CCDC91: variants seen among roughly 807,000 people sequenced by gnomAD.
CCDC91 encodes coiled-coil domain-containing protein 91.
CCDC91 carries 48 observed loss-of-function variants against 63.2 expected under a neutral mutation model. The ratio of observed to expected loss-of-function variants is 0.76; its 90% confidence interval spans 0.60 to 0.97. CCDC91 has a LOEUF of 0.97. Among genes scored for constraint, CCDC91 ranks in the 50% least tolerant of loss-of-function variants. CCDC91 has a pLI of 0.00. For synonymous variants in CCDC91, 167 were observed against 165.8 expected (o/e 1.01, Z -0.06); for missense variants, 500 against 494.6 (o/e 1.01, Z -0.10).
At chr12:28,447,401 A>G (rs1949554558) in intron 8 of CCDC91, among the ~76,000 whole-genome samples, 1 of 151,980 alleles carries the variant, frequency 6.6e-6, no homozygotes, top group Non-Finnish European at 1.5e-5. Flanking sequence ...TCTTTGGGTA[A>G]TGGGACACTG....
chr12:28,513,446 A>AT (rs1491396583), intron 12 of CCDC91, among the ~76,000 whole-genome samples: 1 of 151,884 alleles, frequency 6.6e-6, no homozygotes, highest in African/African-American at 2.4e-5. Context: ...GAGCACTGAC[A>AT]TATGTTGCTC....
intron 1 of CCDC91, among the ~76,000 whole-genome samples, chr12:28,206,980 A>G (rs747145506): frequency 7.2e-5 from 11 of 152,192 alleles, no homozygotes; most frequent in Admixed American, 1.3e-4. Flanking sequence ...TTTCTGACTG[A>G]TTATGAGGCA....
intron 12 of CCDC91, among the ~76,000 whole-genome samples, chr12:28,499,029 T>C (rs968279428): frequency 2.0e-5 from 3 of 148,306 alleles, no homozygotes; most frequent in African/African-American, 7.3e-5. Context: ...AATCTAACTC[T>C]GTTTGTTCAA....
chr12:28,321,637 C>A (rs543916075), intron 6 of CCDC91, among the ~76,000 whole-genome samples: 1 of 151,902 alleles, frequency 6.6e-6, no homozygotes, highest in African/African-American at 2.4e-5. Context: ...TTGTCTATGT[C>A]TCTGCCATGT....
chr12:28,341,681 G>A (rs539318055), intron 6 of CCDC91, among the ~76,000 whole-genome samples: 261 of 151,110 alleles, frequency 1.7e-3, no homozygotes, highest in Middle Eastern at 6.8e-3. Flanking sequence ...CTGTGTAGAT[G>A]TTTCCTGCTA....
chr12:28,304,440 A>G (rs1001709188), intron 3 of CCDC91, among the ~76,000 whole-genome samples: 12 of 150,182 alleles, frequency 8.0e-5, no homozygotes, highest in African/African-American at 2.9e-4. Flanking sequence ...CCTATGGGTG[A>G]AGCTAGACTA....
At chr12:28,525,522 A>G (rs1941181147) in intron 12 of CCDC91, among the ~76,000 whole-genome samples, 2 of 152,062 alleles carry the variant, frequency 1.3e-5, no homozygotes. Flanking sequence ...GGCCTGTCAT[A>G]TGGTCTATCT....
chr12:28,369,123 A>G (rs1944452028), intron 7 of CCDC91, among the ~76,000 whole-genome samples: 1 of 152,134 alleles, frequency 6.6e-6, no homozygotes, highest in Non-Finnish European at 1.5e-5. Context: ...ATCTTACCTC[A>G]TTGCAGTATT....
chr12:28,506,673 A>G (rs990893977), intron 12 of CCDC91, among the ~76,000 whole-genome samples: 15 of 151,970 alleles, frequency 9.9e-5, no homozygotes, highest in Non-Finnish European at 2.1e-4. Context: ...AGATCCTGTT[A>G]TAATCCTCAT....
chr12:28,497,415 G>A (rs574215573), intron 12 of CCDC91, among the ~76,000 whole-genome samples: 2 of 151,666 alleles, frequency 1.3e-5, no homozygotes, highest in South Asian at 2.1e-4. Context: ...TAAGTATACA[G>A]GTTTTTTGGT....
chr12:28,452,671 G>A lies in CCDC91; in HGVS notation c.1101+17G>A, dbSNP rs1224050547. 2.3e-6 allele frequency: 3 copies of A among 1,299,516 alleles called. No individual in the cohort carries two copies. The highest frequency in any genetic ancestry group is 3.2e-6 in the Non-Finnish European group (3 of 951,910). The allele number at this position is 1,299,516 out of a possible 1,614,324, so 80.5% of individuals were successfully genotyped here. On this transcript the variant is annotated intron_variant, in intron 11 of 12. Coordinates refer to ENST00000536442, the MANE Select transcript of CCDC91 (RefSeq NM_018318.5). ...ATAAGTCAGGTTAGTAATATTAACT[G>A]TTAGTAAATATTTACTTTTTTCTCA...
intron 8 of CCDC91, among the ~76,000 whole-genome samples, chr12:28,434,326 C>T (rs150780799): frequency 1.7e-3 from 259 of 151,342 alleles, no homozygotes; most frequent in African/African-American, 5.9e-3. Context: ...TCATGAATAC[C>T]GATTTTGTCA....
intron 3 of CCDC91, among the ~76,000 whole-genome samples, chr12:28,292,394 C>T (rs971552888): frequency 1.3e-5 from 2 of 152,018 alleles, no homozygotes; most frequent in Non-Finnish European, 2.9e-5. Context: ...CTACATATTC[C>T]TTGTAAATTT....
At chr12:28,429,834 T>C (rs909274657) in intron 8 of CCDC91, among the ~76,000 whole-genome samples, 1 of 151,538 alleles carries the variant, frequency 6.6e-6, no homozygotes, top group Non-Finnish European at 1.5e-5. Context: ...AAATCAAGAT[T>C]AAAAAAAAAT....
Position 28,190,788 on chromosome 12 carries a change from C to G in CCDC91, c.-15+147C>G, listed in dbSNP as rs183768685. On this transcript the variant is annotated intron_variant, in intron 1 of 12. Transcript: ENST00000536442. ...GCGGCCTCGCCCTTGGCTGTCGCAG[C>G]GACCAGGAGTCAGGGGGCGTGACCA... 4 of 152,352 alleles carry G rather than the reference C, an allele frequency of 2.6e-5. No homozygotes were observed. The East Asian group carries it at 7.7e-4, about 29-fold the overall frequency. 9.4% of individuals were successfully genotyped at this position (152,352 alleles called of 1,614,324 possible).
At chr12:28,425,457 C>G (rs1478036485) in intron 8 of CCDC91, among the ~76,000 whole-genome samples, 1 of 152,084 alleles carries the variant, frequency 6.6e-6, no homozygotes, top group African/African-American at 2.4e-5. Flanking sequence ...ATTTGGGACT[C>G]CAACAGCAGT....
At chr12:28,437,255 A>T (rs1948959052) in intron 8 of CCDC91, among the ~76,000 whole-genome samples, 1 of 152,034 alleles carries the variant, frequency 6.6e-6, no homozygotes, top group Non-Finnish European at 1.5e-5. Flanking sequence ...TTTTCTTCAA[A>T]TAACATTTTA....
chr12:28,272,613 C>G (rs1425044878), intron 3 of CCDC91, among the ~76,000 whole-genome samples: 1 of 151,816 alleles, frequency 6.6e-6, no homozygotes, highest in South Asian at 2.1e-4. Context: ...TCCTCCTTCT[C>G]TTTATTCATA....
At chr12:28,324,707 T>C (rs1436059582) in intron 6 of CCDC91, among the ~76,000 whole-genome samples, 1 of 151,894 alleles carries the variant, frequency 6.6e-6, no homozygotes, top group Admixed American at 6.6e-5. Context: ...ACTTCCTTTT[T>C]GAGTTATTGT....
Sources: gnomAD v4.1 joint callset for allele counts (sites outside exome capture counted in the v4.1 genomes callset) on GRCh38, gnomAD v4.1.1 for gene constraint, MANE v1.5 for transcripts, NCBI Gene and HGNC (gene_info 2026-07-23, HGNC 2026-07-21) for gene names.